ZBTB20: variants seen among roughly 807,000 people sequenced by gnomAD.
ZBTB20 encodes zinc finger and BTB domain-containing protein 20.
A neutral mutation model predicts 56.9 loss-of-function variants in ZBTB20; 9 were observed. The ratio of observed to expected loss-of-function variants is 0.16; its 90% CI spans 0.10 to 0.28. ZBTB20 has a LOEUF of 0.28. Ranked by LOEUF, ZBTB20 falls within the 10% of genes least tolerant of loss-of-function variation. The pLI is 1.00. For synonymous variants in ZBTB20, 417 were observed against 420.7 expected, an observed-to-expected ratio of 0.99 and a Z score of 0.11; for missense variants, 655 against 1,003.0, an observed-to-expected ratio of 0.65 and a Z score of 4.69.
At chr3:114,759,099 TC>T (rs2068244802) in intron 5 of ZBTB20, 1 of 152,276 alleles carries the variant, frequency 6.6e-6, no homozygotes, top group Admixed American at 6.5e-5. Context: ...CAATAATCCG[TC>T]CCTGACTGCG....
intron 1 of ZBTB20, among the ~76,000 whole-genome samples, chr3:115,131,059 C>A (rs1431932228): frequency 6.6e-6 from 1 of 152,094 alleles, no homozygotes. Context: ...CCGTGCCCGG[C>A]CAATTATTTT....
intron 6 of ZBTB20, among the ~76,000 whole-genome samples, chr3:114,676,717 G>A (rs1358388984): frequency 6.6e-6 from 1 of 151,234 alleles, no homozygotes; most frequent in Non-Finnish European, 1.5e-5. Flanking sequence ...TTACTCACTG[G>A]ACAAGTGCAT....
intron 4 of ZBTB20, among the ~76,000 whole-genome samples, chr3:114,856,629 A>C (rs2075268091): frequency 6.6e-6 from 1 of 152,190 alleles, no homozygotes; most frequent in Admixed American, 6.5e-5. Context: ...TCTTACAAAA[A>C]AAAAGTAATA....
intron 4 of ZBTB20, among the ~76,000 whole-genome samples, chr3:114,808,675 T>C (rs79463458): frequency 6.6e-6 from 1 of 152,022 alleles, no homozygotes; most frequent in Non-Finnish European, 1.5e-5. Flanking sequence ...ATCTATTTCA[T>C]TGATTTCTGT....
At chr3:114,496,907 C>T (rs2043341655) in intron 7 of ZBTB20, among the ~76,000 whole-genome samples, 1 of 152,184 alleles carries the variant, frequency 6.6e-6, no homozygotes, top group Admixed American at 6.5e-5. Flanking sequence ...TCCTTATCTG[C>T]CTGCTCCTCC....
At chr3:115,147,132 C>T (rs2085026880) in intron 1 of ZBTB20, 87 bp downstream of exon 1, 1 of 146,548 alleles carries the variant, frequency 6.8e-6, no homozygotes, top group African/African-American at 2.5e-5. Flanking sequence ...CTCCAGGCGC[C>T]TCGCAGACGC....
intron 6 of ZBTB20, among the ~76,000 whole-genome samples, chr3:114,535,437 C>T (rs2048346776): frequency 6.6e-6 from 1 of 152,062 alleles, no homozygotes; most frequent in Admixed American, 6.5e-5. Context: ...CAAGACTAAA[C>T]CAGGAAGAAG....
chr3:114,827,408 C>T (rs555605299), intron 4 of ZBTB20, among the ~76,000 whole-genome samples: 1 of 151,884 alleles, frequency 6.6e-6, no homozygotes, highest in South Asian at 2.1e-4. Context: ...CAGCTACACA[C>T]TTGTAATGCT....
chr3:114,367,076 G>A (rs1419548350), intron 10 of ZBTB20: 1 of 152,246 alleles, frequency 6.6e-6, no homozygotes, highest in African/African-American at 2.4e-5. Flanking sequence ...TAGCACAGAA[G>A]TTTGCACATT....
chr3:115,143,934 A>G (rs2084891945), intron 1 of ZBTB20, among the ~76,000 whole-genome samples: 1 of 152,210 alleles, frequency 6.6e-6, no homozygotes, highest in Non-Finnish European at 1.5e-5. Flanking sequence ...TAGGTTTTAA[A>G]GTTTCATTAA....
At chr3:114,635,645 C>T (rs943047003) in intron 6 of ZBTB20, among the ~76,000 whole-genome samples, 1 of 151,676 alleles carries the variant, frequency 6.6e-6, no homozygotes, top group Non-Finnish European at 1.5e-5. Context: ...CTGGAGAATA[C>T]AAAAATTGAA....
chr3:114,834,229 G>C (rs1399267771), intron 4 of ZBTB20, among the ~76,000 whole-genome samples: 2 of 152,116 alleles, frequency 1.3e-5, no homozygotes, highest in African/African-American at 4.8e-5. Context: ...GCCTAACTTA[G>C]ATCCTTCCAA....
At chr3:114,837,500 G>C (rs533446585) in intron 4 of ZBTB20, among the ~76,000 whole-genome samples, 1 of 152,234 alleles carries the variant, frequency 6.6e-6, no homozygotes, top group Admixed American at 6.5e-5. Context: ...CTGTCAGCTA[G>C]AGCTGTGGTT....
chr3:114,953,847 A>G (rs1297702110), intron 3 of ZBTB20, among the ~76,000 whole-genome samples: 1 of 152,106 alleles, frequency 6.6e-6, no homozygotes, highest in Non-Finnish European at 1.5e-5. Context: ...TTCATAAGAG[A>G]GAGCATATGA....
intron 5 of ZBTB20, among the ~76,000 whole-genome samples, chr3:114,771,808 AT>A (rs1411549081): frequency 6.6e-6 from 1 of 152,016 alleles, no homozygotes; most frequent in East Asian, 1.9e-4. Context: ...TTATCTAAAG[AT>A]GTATTTCTGG....
At chr3:114,493,113 A>G (rs1405443114) in intron 7 of ZBTB20, among the ~76,000 whole-genome samples, 3 of 152,208 alleles carry the variant, frequency 2.0e-5, no homozygotes, top group African/African-American at 7.2e-5. Context: ...TGCTATATAG[A>G]TAAGAATCGT....
At chr3:114,539,601 G>A (rs140670631) in intron 6 of ZBTB20, among the ~76,000 whole-genome samples, 126 of 152,088 alleles carry the variant, frequency 8.3e-4, no homozygotes, top group African/African-American at 2.7e-3. Context: ...CCATTGCATC[G>A]TATCATTAGT....
intron 2 of ZBTB20, among the ~76,000 whole-genome samples, chr3:114,980,344 A>G (rs1371985319): frequency 6.6e-6 from 1 of 151,246 alleles, no homozygotes; most frequent in East Asian, 1.9e-4. Context: ...ATCCCCTTCA[A>G]CTAAAAACTT....
At chr3:114,435,589 T>C (rs2090463870) in intron 7 of ZBTB20, among the ~76,000 whole-genome samples, 1 of 152,178 alleles carries the variant, frequency 6.6e-6, no homozygotes. Context: ...TTGGGGGAAT[T>C]CTGCCCAGCA....
Sources: gnomAD v4.1 joint callset for allele counts (sites outside exome capture counted in the v4.1 genomes callset) on GRCh38, gnomAD v4.1.1 for gene constraint, MANE v1.5 for transcripts, NCBI Gene and HGNC (gene_info 2026-07-23, HGNC 2026-07-21) for gene names.